TPD52: variants seen among roughly 807,000 people sequenced by gnomAD.
The protein encoded by TPD52 is prostate and colon associated protein.
In TPD52, 17 loss-of-function variants were observed where a neutral mutation model predicts 31.3. That is an observed-to-expected ratio of 0.54 (90% CI 0.37 to 0.82). The LOEUF (loss-of-function observed/expected upper bound fraction) is 0.82, where lower values mean the gene tolerates loss of function less well. Ranked by LOEUF, TPD52 falls within the 40% of genes least tolerant of loss-of-function variation. The pLI is 0.00. For synonymous variants in TPD52, 83 were observed against 89.6 expected (o/e 0.93, Z 0.42); for missense variants, 212 against 240.1 (o/e 0.88, Z 0.77).
chr8:80,071,899 A>T (rs533157224), intron 1 of TPD52, among the ~76,000 whole-genome samples: 1 of 152,202 alleles, frequency 6.6e-6, no homozygotes, highest in Non-Finnish European at 1.5e-5. Flanking sequence ...CACTCTGGAC[A>T]ATCTGGCCCC....
intron 1 of TPD52, among the ~76,000 whole-genome samples, chr8:80,157,916 A>C (rs183492867): frequency 3.5e-4 from 54 of 152,330 alleles, no homozygotes; most frequent in South Asian, 4.1e-4. Flanking sequence ...AAAGCATCTT[A>C]ACTAAAACCA....
intron 1 of TPD52, chr8:80,158,944 A>G (rs1811166708): frequency 9.3e-5 from 2 of 21,568 alleles, no homozygotes; most frequent in African/African-American, 5.9e-4. Flanking sequence ...ACTCCGTCTC[A>G]AAAAAAAAAA....
At chr8:80,080,718 G>C in intron 1 of TPD52, 6 of 1,135,354 alleles carry the variant, frequency 5.3e-6, no homozygotes, top group Non-Finnish European at 6.5e-6. Flanking sequence ...TGTTAATTTC[G>C]ATCAACAATG....
chr8:80,102,416 C>T (rs896873797), intron 1 of TPD52, among the ~76,000 whole-genome samples: 4 of 152,152 alleles, frequency 2.6e-5, no homozygotes, highest in Non-Finnish European at 5.9e-5. Context: ...AGCCACTGTC[C>T]TTTATCTTAG....
rs147351703 is a variant in TPD52, at chr8:80,145,347, C to T, written c.19+26078G>A. ...TGAATCTATGTGAAGATTTTGATGGCAGGTGATCTTTGAGCGGGCATGGCA... is the reference window on the plus strand; with the variant it reads ...TGAATCTATGTGAAGATTTTGATGGTAGGTGATCTTTGAGCGGGCATGGCA... On this transcript the variant is annotated intron_variant, in intron 1 of 7. Coordinates refer to ENST00000518937, the MANE Select transcript of TPD52 (RefSeq NM_001025253.3). Among the ~76,000 whole-genome samples the T allele has an allele frequency of 9.1e-3, 1,391 of 152,294 alleles. 15 individuals carry two copies. The highest frequency in any genetic ancestry group is 0.014 in the Non-Finnish European group (966 of 68,026).
intron 3 of TPD52, 168 bp downstream of exon 3, chr8:80,053,114 G>T: frequency 1.6e-6 from 1 of 637,958 alleles, no homozygotes; most frequent in Non-Finnish European, 2.5e-6. Flanking sequence ...AAAAATTGAA[G>T]TTACAAAAAA....
chr8:80,163,405 T>C (rs761480436), intron 1 of TPD52, among the ~76,000 whole-genome samples: 2 of 152,154 alleles, frequency 1.3e-5, no homozygotes, highest in African/African-American at 2.4e-5. Context: ...ATGAGGTATC[T>C]AAAGTGGTCA....
In TPD52 at chr8:80,120,628, C is replaced by T. The variant is rs1808198336; in HGVS notation, c.19+50797G>A. ...TTGAAATGGCTTGCACTTTTATCAA[C>T]ATTGTCATTTGACCTTCTTCAGTTA... On this transcript the variant is annotated intron_variant, in intron 1 of 7. Coordinates refer to ENST00000518937, the MANE Select transcript of TPD52 (RefSeq NM_001025253.3). Among the ~76,000 whole-genome samples, 3 of 152,286 alleles carry T rather than the reference C, an allele frequency of 2.0e-5. No individual in the cohort carries two copies. The South Asian group carries it at 6.2e-4, about 32-fold the overall frequency.
chr8:80,118,828 C>T (rs1808050224), intron 1 of TPD52, among the ~76,000 whole-genome samples: 1 of 152,184 alleles, frequency 6.6e-6, no homozygotes, highest in South Asian at 2.1e-4. Context: ...AGGTATGTAA[C>T]ACAGTACAGT....
At chr8:80,154,727 A>G (rs1810812973) in intron 1 of TPD52, among the ~76,000 whole-genome samples, 2 of 146,426 alleles carry the variant, frequency 1.4e-5, no homozygotes, top group Admixed American at 6.8e-5. Context: ...ACACACACAC[A>G]CACACACACA....
intron 1 of TPD52, among the ~76,000 whole-genome samples, chr8:80,108,864 T>C (rs1224303168): frequency 9.2e-5 from 14 of 152,260 alleles, no homozygotes; most frequent in Admixed American, 8.5e-4. Flanking sequence ...TGGAAAAGTA[T>C]ACTTTTGTGA....
intron 1 of TPD52, among the ~76,000 whole-genome samples, chr8:80,156,976 A>T (rs936538775): frequency 2.0e-5 from 3 of 152,144 alleles, no homozygotes; most frequent in African/African-American, 7.2e-5. Flanking sequence ...AGGGAAGGCA[A>T]CCAGAAAGGG....
intron 1 of TPD52, among the ~76,000 whole-genome samples, chr8:80,125,634 T>C (rs1386901385): frequency 1.3e-5 from 2 of 152,192 alleles, no homozygotes; most frequent in African/African-American, 2.4e-5. Flanking sequence ...GTGTCTTGAT[T>C]ATAGAATCAA....
At chr8:80,158,999 A>G (rs1030094349) in intron 1 of TPD52, 1 of 151,650 alleles carries the variant, frequency 6.6e-6, no homozygotes, top group Non-Finnish European at 1.5e-5. Flanking sequence ...ATAGAACCGC[A>G]TCGAAAATGT....
At chr8:80,061,675 C>A (rs1372858391) in intron 2 of TPD52, among the ~76,000 whole-genome samples, 1 of 152,048 alleles carries the variant, frequency 6.6e-6, no homozygotes, top group Non-Finnish European at 1.5e-5. Context: ...CAGAGCAATA[C>A]CTGTCTCAAA....
chr8:80,067,296 C>T (rs1416276755), intron 1 of TPD52: 1 of 152,144 alleles, frequency 6.6e-6, no homozygotes, highest in African/African-American at 2.4e-5. Flanking sequence ...ACATGTTCTG[C>T]TCTTTCCACA....
At chr8:80,079,004 AG>A (rs1267770280) in intron 1 of TPD52, among the ~76,000 whole-genome samples, 1 of 152,184 alleles carries the variant, frequency 6.6e-6, no homozygotes, top group East Asian at 1.9e-4. Context: ...ACACCGATCA[AG>A]GTCCACCTGA....
chr8:80,087,369 A>T (rs1360082176), intron 1 of TPD52, among the ~76,000 whole-genome samples: 2 of 152,226 alleles, frequency 1.3e-5, no homozygotes, highest in Non-Finnish European at 2.9e-5. Flanking sequence ...GAACAAGAGC[A>T]TGTCCTTTGC....
intron 1 of TPD52, among the ~76,000 whole-genome samples, chr8:80,105,875 G>A (rs1475196049): frequency 1.3e-5 from 2 of 151,904 alleles, no homozygotes; most frequent in African/African-American, 4.8e-5. Flanking sequence ...GGGATTATAG[G>A]TGCTCACCAC....
Sources: allele counts gnomAD v4.1 joint callset (sites outside exome capture counted in the v4.1 genomes callset), GRCh38; gene constraint gnomAD v4.1.1; transcripts MANE v1.5; gene names NCBI Gene and HGNC (gene_info 2026-07-23, HGNC 2026-07-21).